Variants in SNN observed in about 807,000 individuals in gnomAD.
SNN encodes AG8_1.
A neutral mutation model predicts 5.3 loss-of-function variants in SNN; 5 were observed. The observed-to-expected ratio is 0.94, with a 90% CI of 0.49 to 1.97. SNN has a LOEUF of 1.97. Among genes scored for constraint, SNN ranks in the 30% most tolerant of loss-of-function variants. SNN has a pLI of 0.01. For synonymous variants in SNN, 67 were observed against 52.1 expected (o/e 1.29, Z -1.24); for missense variants, 127 against 121.6 (o/e 1.04, Z -0.21).
rs2050305308 is a variant in SNN, at chr16:11,676,452, T to C, written c.*126T>C. ...ACTTGCTGGCATGGCCTCTGCGGGC[T>C]TCGTCATCGCATGCACTGATGCCCG... On this transcript the variant is annotated 3_prime_UTR_variant, in exon 2 of 2. Coordinates refer to ENST00000329565, the MANE Select transcript of SNN (RefSeq NM_003498.6). The C allele has an allele frequency of 1.6e-6, 2 of 1,213,752 alleles. No homozygotes were observed. Among genetic ancestry groups the C allele is most frequent in the South Asian group, 1.5e-5 (1 of 66,254 alleles). 75.2% of individuals were successfully genotyped at this position (1,213,752 alleles called of 1,614,324 possible). A position where few individuals can be genotyped will look rare whatever the true frequency, so the allele number is the denominator to read the frequency against.
Position 11,678,970 on chromosome 16 carries a change from CA to C in SNN, c.*2647del, listed in dbSNP as rs1294723276. 3.6e-6 allele frequency: 2 copies of C among 548,040 alleles called. No individual in the cohort carries two copies. Among genetic ancestry groups the C allele is most frequent in the Admixed American group, 3.8e-5 (1 of 26,534 alleles). 33.9% of individuals were successfully genotyped at this position (548,040 alleles called of 1,614,324 possible). ...CTAAAATATGGACTAATTTTTTGGA[CA>C]AATCTTCAAACGGACTGTGCTACTG... On this transcript the variant is annotated 3_prime_UTR_variant, in exon 2 of 2. Transcript: ENST00000329565.
intron 1 of SNN, among the ~76,000 whole-genome samples, chr16:11,669,743 G>A (rs962472117): frequency 2.6e-5 from 4 of 152,230 alleles, no homozygotes; most frequent in African/African-American, 4.8e-5. Context: ...GTGATTCACA[G>A]GGTGGGGGCA....
In SNN at chr16:11,671,494, T is replaced by C. The variant is rs1215320311; in HGVS notation, c.-86+2954T>C. On this transcript the variant is annotated intron_variant, in intron 1 of 1. Coordinates refer to ENST00000329565, the MANE Select transcript of SNN (RefSeq NM_003498.6). The surrounding 1 kb of genome is among the most constrained non-coding windows in gnomAD (Gnocchi z 4.7). ...CCCATCCTGCCTTCTGGCTTTTTGC[T>C]TCACCTCCCTGCGTGCGCCTCAGTT... Among the ~76,000 whole-genome samples the C allele has an allele frequency of 3.9e-5, 6 of 152,244 alleles. No homozygotes were observed. The highest frequency in any genetic ancestry group is 3.4e-3 in the Middle Eastern group (1 of 292).
intron 1 of SNN, among the ~76,000 whole-genome samples, chr16:11,673,082 G>A (rs959633632): frequency 1.3e-5 from 2 of 152,186 alleles, no homozygotes; most frequent in Non-Finnish European, 2.9e-5. Context: ...GAGGTGCAGG[G>A]GAGAGGGAGG....
At position 11,676,365 on chromosome 16, in the gene SNN, C is replaced by G. The variant is rs767903743; in HGVS notation, c.*39C>G. On this transcript the variant is annotated 3_prime_UTR_variant, in exon 2 of 2. Transcript: ENST00000329565. ...GCTCCTGGTCCTGTTTGCAGCCGGC[C>G]AAGAGGCGCTGGGAGGGGCAAAACC... The G allele has an allele frequency of 1.0e-5, 16 of 1,593,172 alleles. No individual in the cohort carries two copies. The South Asian group carries it at 1.7e-4, about 17-fold the overall frequency.
rs1481776654 is a variant in SNN, at chr16:11,678,286, G to C, written c.*1960G>C. The C allele has an allele frequency of 6.0e-6, 1 of 167,152 alleles. No homozygotes were observed. The highest frequency in any genetic ancestry group is 1.5e-5 in the Non-Finnish European group (1 of 68,168). The allele number at this position is 167,152 out of a possible 1,614,324, so 10.4% of individuals were successfully genotyped here. ...GGTAAAAGTTTGCTTTGGTGAGTGA[G>C]AAAAGGCTGGGGCGTGTGATCCATC... On this transcript the variant is annotated 3_prime_UTR_variant, in exon 2 of 2. Coordinates refer to ENST00000329565, the MANE Select transcript of SNN (RefSeq NM_003498.6).
In SNN at chr16:11,671,568, C is replaced by G. The variant is rs1272732469; in HGVS notation, c.-86+3028C>G. Among the ~76,000 whole-genome samples the G allele has an allele frequency of 6.6e-6, 1 of 152,188 alleles. No homozygotes were observed. Among genetic ancestry groups the G allele is most frequent in the Non-Finnish European group, 1.5e-5 (1 of 68,034 alleles). On this transcript the variant is annotated intron_variant, in intron 1 of 1. Transcript: ENST00000329565. This position sits in a 1 kb window ranked among gnomAD's most constrained non-coding sequence, Gnocchi z 4.7. ...CTAGGGTGAACAAAGGTGGCTGCAG[C>G]CTTTCTGGATCAGATGCTGGTGGGA...
In SNN at chr16:11,668,693, G is replaced by C. The variant is rs1315091538; in HGVS notation, c.-86+153G>C. On this transcript the variant is annotated intron_variant, in intron 1 of 1. Transcript: ENST00000329565. The surrounding 1 kb of genome is among the most constrained non-coding windows in gnomAD (Gnocchi z 6.8). The stretch of plus-strand genomic sequence containing the variant: ...GGGGAGGGGCGGCCCGGCGGGCGCG[G>C]CTCGGGGGAGGGTCCGTTCCAGGGG... 6.8e-6 allele frequency among the ~76,000 whole-genome samples: 1 copy of C among 146,708 alleles called. No individual in the cohort carries two copies. The highest frequency in any genetic ancestry group is 1.5e-5 in the Non-Finnish European group (1 of 65,756).
rs997761611 is a variant in SNN at position 11,678,722 on chromosome 16, A to G, written c.*2396A>G. The G allele has an allele frequency of 6.9e-6, 1 of 145,920 alleles. No homozygotes were observed. The highest frequency in any genetic ancestry group is 1.6e-5 in the Non-Finnish European group (1 of 62,588). The allele number at this position is 145,920 out of a possible 1,614,324, so 9.0% of individuals were successfully genotyped here. On this transcript the variant is annotated 3_prime_UTR_variant, in exon 2 of 2. Transcript: ENST00000329565. Reference sequence around the variant, plus strand: ...AATGAAAATGCTTCTAGAATGAGTGAACCACATCATAGCTCTCACTGTTTT... The same window carrying G: ...AATGAAAATGCTTCTAGAATGAGTGGACCACATCATAGCTCTCACTGTTTT...
At chr16:11,674,876 C>T (rs573736747) in intron 1 of SNN, among the ~76,000 whole-genome samples, 30 of 152,278 alleles carry the variant, frequency 2.0e-4, no homozygotes, top group Admixed American at 9.8e-4. Context: ...TGTGAGTGAC[C>T]GGCATTTGGG....
chr16:11,675,838 G>C (rs915785929), intron 1 of SNN, 137 bp from the exon 2 acceptor site: 1 of 522,236 alleles, frequency 1.9e-6, no homozygotes, highest in African/African-American at 1.9e-5. Context: ...GGGTGAGCGT[G>C]GGTGAGCAGA....
intron 1 of SNN, among the ~76,000 whole-genome samples, chr16:11,673,598 T>C (rs192691225): frequency 9.5e-4 from 144 of 152,248 alleles, no homozygotes; most frequent in African/African-American, 3.3e-3. Flanking sequence ...CTGCCCCCAG[T>C]TGTGACAACC....
intron 1 of SNN, among the ~76,000 whole-genome samples, chr16:11,670,927 C>A (rs1295376740): frequency 6.6e-6 from 1 of 152,144 alleles, no homozygotes; most frequent in Non-Finnish European, 1.5e-5. Flanking sequence ...GTGGGGTTCA[C>A]CCCCGGCTCT....
intron 1 of SNN, among the ~76,000 whole-genome samples, chr16:11,669,366 C>T (rs2050251475): frequency 6.6e-6 from 1 of 152,252 alleles, no homozygotes; most frequent in Non-Finnish European, 1.5e-5. Context: ...TGGGGTTCAC[C>T]TGTCCGCGGC....
intron 1 of SNN, among the ~76,000 whole-genome samples, chr16:11,675,650 T>C (rs894417320): frequency 6.6e-6 from 1 of 152,214 alleles, no homozygotes; most frequent in African/African-American, 2.4e-5. Flanking sequence ...AACACTGAGT[T>C]GGGGCTGGGC....
intron 1 of SNN, among the ~76,000 whole-genome samples, chr16:11,675,555 C>T (rs2050296111): frequency 6.6e-6 from 1 of 152,210 alleles, no homozygotes; most frequent in Non-Finnish European, 1.5e-5. Context: ...GCATGAGTCA[C>T]TGCACCTGGC....
chr16:11,672,992 C>T lies in SNN; in HGVS notation c.-85-2983C>T, dbSNP rs1240389521. ...CCCACCCCCAAACACACACACTTCC[C>T]CTTCCGAATTGATACTGACTTGTCT... is the stretch of plus-strand genomic sequence containing the variant. On this transcript the variant is annotated intron_variant, in intron 1 of 1. Transcript: ENST00000329565. The surrounding 1 kb of genome is among the most constrained non-coding windows in gnomAD (Gnocchi z 6.0). Among the ~76,000 whole-genome samples, 2 of 152,196 alleles carry T rather than the reference C, an allele frequency of 1.3e-5. No homozygotes were observed. The highest frequency in any genetic ancestry group is 2.9e-5 in the Non-Finnish European group (2 of 68,034).
rs998449169 is a variant in SNN, at chr16:11,676,271, G to C, written c.212G>C (p.Cys71Ser). The C allele has an allele frequency of 5.0e-6, 8 of 1,614,094 alleles. No homozygotes were observed. The African/African-American group carries it at 1.1e-4, about 22-fold the overall frequency. The stretch of plus-strand genomic sequence containing the variant: ...GTGCAGTATTCGGCCAAGGGACCGT[G>C]CGTGGAGAGAAAGGCCAAGCTGATG... ...LLVQYSAKGPCVERKAKLMTP... is the reference protein window; with the variant it reads ...LLVQYSAKGPSVERKAKLMTP... Residue 71 changes from cysteine to serine, a missense_variant, in exon 2 of 2, where the codon TGC becomes TCC. Physicochemically the swap from Cys to Ser is moderately radical, Grantham distance 112. Transcript: ENST00000329565.
rs756619510 is a variant in SNN, at chr16:11,676,723, C to T, written c.*397C>T. On this transcript the variant is annotated 3_prime_UTR_variant, in exon 2 of 2. Transcript: ENST00000329565. The stretch of plus-strand genomic sequence containing the variant: ...GCTGATTTTTAAAAATATCATCTAG[C>T]GCACACGGGACTGGTATTCTGGCTG... 4 of 210,334 alleles carry T rather than the reference C, an allele frequency of 1.9e-5. No individual in the cohort carries two copies. Among genetic ancestry groups the T allele is most frequent in the East Asian group, 1.2e-4 (1 of 8,530 alleles). The allele number at this position is 210,334 out of a possible 1,614,324, so 13.0% of individuals were successfully genotyped here.
Sources: gnomAD v4.1 joint callset for allele counts (sites outside exome capture counted in the v4.1 genomes callset) on GRCh38, gnomAD v4.1.1 for gene constraint, Gnocchi (gnomAD v3.1) non-coding constraint, MANE v1.5 for transcripts, NCBI Gene and HGNC (gene_info 2026-07-23, HGNC 2026-07-21) for gene names.